The following DPY19L2 variants were observed in gnomAD, a reference collection of about 807,000 sequenced individuals.
DPY19L2 encodes the protein dpy-19 like 2.
Under a neutral mutation model 97.9 loss-of-function variants are expected in DPY19L2, and 34 were observed. The ratio of observed to expected loss-of-function variants is 0.35; its 90% CI spans 0.26 to 0.46. The LOEUF (loss-of-function observed/expected upper bound fraction) is 0.46. Ranked by LOEUF, DPY19L2 falls within the 20% of genes least tolerant of loss-of-function variation. The pLI, the probability that DPY19L2 is intolerant of heterozygous loss-of-function variation, is 1.00. For missense variants in DPY19L2, 623 were observed against 911.4 expected (o/e 0.68, Z 4.07); for synonymous variants, 230 against 307.9 (o/e 0.75, Z 2.65).
At chr12:63,626,757 C>A (rs938577258) in intron 6 of DPY19L2, among the ~76,000 whole-genome samples, 2 of 152,010 alleles carry the variant, frequency 1.3e-5, no homozygotes, top group Non-Finnish European at 2.9e-5. Flanking sequence ...AAAATACTTT[C>A]TAAATAAAAT....
At chr12:63,622,204 T>G (rs528971180) in intron 8 of DPY19L2, among the ~76,000 whole-genome samples, 3 of 152,150 alleles carry the variant, frequency 2.0e-5, no homozygotes, top group Non-Finnish European at 2.9e-5. Context: ...CAACCCTAAA[T>G]GTTCTAATTA....
At chr12:63,650,157 A>G (rs1893999787) in intron 4 of DPY19L2, among the ~76,000 whole-genome samples, 2 of 152,170 alleles carry the variant, frequency 1.3e-5, no homozygotes, top group African/African-American at 4.8e-5. Context: ...GTAGGCATTG[A>G]AGGAACATAC....
At chr12:63,586,647 C>T (rs1415493549) in intron 16 of DPY19L2, among the ~76,000 whole-genome samples, 1 of 152,150 alleles carries the variant, frequency 6.6e-6, no homozygotes, top group Non-Finnish European at 1.5e-5. Flanking sequence ...ATAACTGACT[C>T]CCTTCTCACA....
At chr12:63,665,096 C>T (rs1896169228) in intron 2 of DPY19L2, among the ~76,000 whole-genome samples, 1 of 152,232 alleles carries the variant, frequency 6.6e-6, no homozygotes, top group African/African-American at 2.4e-5. Context: ...AGCCATTTAA[C>T]TCTGTACACC....
At chr12:63,635,508 G>A (rs780938882) in intron 6 of DPY19L2, among the ~76,000 whole-genome samples, 11 of 152,058 alleles carry the variant, frequency 7.2e-5, no homozygotes, top group South Asian at 2.1e-4. Context: ...GAGGGTGTTC[G>A]AACCCATCGC....
At chr12:63,637,368 T>G (rs1183764091) in intron 6 of DPY19L2, among the ~76,000 whole-genome samples, 2 of 150,938 alleles carry the variant, frequency 1.3e-5, no homozygotes, top group African/African-American at 4.9e-5. Context: ...ACATCACAAT[T>G]AAAAGAAGGA....
intron 13 of DPY19L2, among the ~76,000 whole-genome samples, chr12:63,599,264 T>C (rs542692119): frequency 6.6e-6 from 1 of 151,384 alleles, no homozygotes; most frequent in African/African-American, 2.4e-5. Flanking sequence ...ATGAACAAAC[T>C]TAACAGATAA....
In DPY19L2 at chr12:63,559,992, A is replaced by C. The variant is rs1196305031; in HGVS notation, c.*520T>G. The C allele has an allele frequency of 6.6e-6, 1 of 152,406 alleles. No homozygotes were observed. The highest frequency in any genetic ancestry group is 2.4e-5 in the African/African-American group (1 of 41,452). 9.4% of individuals were successfully genotyped at this position (152,406 alleles called of 1,614,324 possible). ...TTAAAAGGTATTAGAGATCTTTCTT[A>C]AGGGCTGGTAAAATAAAAACACCTT... On this transcript the variant is annotated 3_prime_UTR_variant, in exon 22 of 22. Transcript: ENST00000324472.
intron 6 of DPY19L2, among the ~76,000 whole-genome samples, chr12:63,632,354 A>C (rs1195055222): frequency 6.6e-6 from 1 of 152,212 alleles, no homozygotes; most frequent in African/African-American, 2.4e-5. Context: ...GCTGATAGGC[A>C]ACTTCAGCAA....
intron 6 of DPY19L2, among the ~76,000 whole-genome samples, chr12:63,636,914 T>A (rs951687403): frequency 2.0e-5 from 3 of 152,080 alleles, no homozygotes; most frequent in East Asian, 1.9e-4. Context: ...GGAATTGAAC[T>A]CAACTCTGCA....
At chr12:63,618,091 G>T (rs949899396) in intron 10 of DPY19L2, 60 bp downstream of exon 10, 155 of 1,256,038 alleles carry the variant, frequency 1.2e-4, no homozygotes, top group Non-Finnish European at 1.6e-4. Flanking sequence ...GAATCACTTC[G>T]ATTTTATAAA....
chr12:63,614,296 T>C (rs532512709), intron 11 of DPY19L2, among the ~76,000 whole-genome samples: 1 of 151,696 alleles, frequency 6.6e-6, no homozygotes, highest in East Asian at 1.9e-4. Context: ...CAAAACAAAC[T>C]GACAAACACA....
intron 12 of DPY19L2, among the ~76,000 whole-genome samples, chr12:63,603,700 C>T (rs1039334049): frequency 3.9e-5 from 6 of 152,148 alleles, no homozygotes; most frequent in African/African-American, 9.7e-5. Context: ...AGGACATGTT[C>T]TCATTTCTTT....
intron 12 of DPY19L2, among the ~76,000 whole-genome samples, chr12:63,606,548 G>A (rs1886074692): frequency 6.6e-6 from 1 of 151,992 alleles, no homozygotes; most frequent in Admixed American, 6.6e-5. Flanking sequence ...GGATTTTCTA[G>A]AAACATCTTT....
rs1166618583 is a variant in DPY19L2, at chr12:63,596,430, A to G, written c.1462-393T>C. 3.3e-5 allele frequency among the ~76,000 whole-genome samples: 5 copies of G among 152,302 alleles called. No individual in the cohort carries two copies. In the South Asian group the frequency reaches 1.0e-3, roughly 32 times the overall value. On this transcript the variant is annotated intron_variant, in intron 14 of 21. Coordinates refer to ENST00000324472, the MANE Select transcript of DPY19L2 (RefSeq NM_173812.5). ...TTAGTGAAACTAGAGCTAACAAGAAAGAACGCTAACCAAAGTTAATGACTA... is the reference window on the plus strand; with the variant it reads ...TTAGTGAAACTAGAGCTAACAAGAAGGAACGCTAACCAAAGTTAATGACTA...
At chr12:63,578,174 A>G (rs955791079) in intron 19 of DPY19L2, among the ~76,000 whole-genome samples, 2 of 151,968 alleles carry the variant, frequency 1.3e-5, no homozygotes, top group African/African-American at 4.8e-5. Context: ...CATGGATGGA[A>G]CTGGAGGTCA....
chr12:63,639,462 C>A (rs1892319582), intron 6 of DPY19L2, among the ~76,000 whole-genome samples: 1 of 151,958 alleles, frequency 6.6e-6, no homozygotes, highest in Non-Finnish European at 1.5e-5. Context: ...TGACAAAGGG[C>A]TAATATCCAG....
At chr12:63,633,463 A>G (rs1891083229) in intron 6 of DPY19L2, among the ~76,000 whole-genome samples, 1 of 152,342 alleles carries the variant, frequency 6.6e-6, no homozygotes, top group East Asian at 1.9e-4. Flanking sequence ...ACACGAAAAA[A>G]TGCTCATCAT....
At chr12:63,590,904 A>C (rs1232183452) in intron 16 of DPY19L2, 19 of 352,368 alleles carry the variant, frequency 5.4e-5, no homozygotes, top group Non-Finnish European at 4.7e-5. Flanking sequence ...ATAGACTTCC[A>C]TATTCTGAGT....
Sources: allele counts gnomAD v4.1 joint callset (sites outside exome capture counted in the v4.1 genomes callset), GRCh38; gene constraint gnomAD v4.1.1; transcripts MANE v1.5; gene names NCBI Gene and HGNC (gene_info 2026-07-23, HGNC 2026-07-21).